RBFOX1: variants seen among roughly 807,000 people sequenced by gnomAD.
RBFOX1 encodes RNA binding fox-1 homolog 1.
RBFOX1 carries 8 observed loss-of-function variants against 57.7 expected under a neutral mutation model. That is an observed-to-expected ratio of 0.14 (90% confidence interval 0.08 to 0.25). The LOEUF is 0.25. RBFOX1 is among the 10% of genes least tolerant of loss of function. RBFOX1 has a pLI of 1.00. For synonymous variants in RBFOX1, 326 were observed against 222.4 expected (o/e 1.47, Z -4.15); for missense variants, 611 against 548.5 (o/e 1.11, Z -1.14).
At chr16:7,166,789 C>G (rs994381970) in intron 4 of RBFOX1, among the ~76,000 whole-genome samples, 15 of 151,934 alleles carry the variant, frequency 9.9e-5, no homozygotes, top group African/African-American at 1.9e-4. Context: ...GGACAGACAG[C>G]CAAAGGAGTG....
chr16:6,413,153 C>T (rs554838475), intron 2 of RBFOX1, among the ~76,000 whole-genome samples: 77 of 152,148 alleles, frequency 5.1e-4, no homozygotes, highest in Non-Finnish European at 1.3e-4. Flanking sequence ...AACCCTGTCT[C>T]TACTAAAAAT....
chr16:6,030,892 G>A (rs183973036), intron 1 of RBFOX1, among the ~76,000 whole-genome samples: 2 of 152,260 alleles, frequency 1.3e-5, no homozygotes, highest in Admixed American at 1.3e-4. Context: ...CATGCTCTGG[G>A]CCAGGCACTG....
intron 3 of RBFOX1, among the ~76,000 whole-genome samples, chr16:5,630,841 G>C (rs1306271455): frequency 6.6e-6 from 1 of 152,168 alleles, no homozygotes; most frequent in Non-Finnish European, 1.5e-5. Context: ...ATTTCAGAGG[G>C]GAGCAACTTG....
intron 4 of RBFOX1, among the ~76,000 whole-genome samples, chr16:7,487,751 A>C (rs1166946711): frequency 6.6e-6 from 1 of 152,164 alleles, no homozygotes; most frequent in Non-Finnish European, 1.5e-5. Context: ...TGCAGCTTGT[A>C]AAAGTGCCTC....
chr16:7,298,647 C>G (rs2095957609), intron 4 of RBFOX1, among the ~76,000 whole-genome samples: 1 of 152,176 alleles, frequency 6.6e-6, no homozygotes, highest in African/African-American at 2.4e-5. Context: ...CCACTATCGA[C>G]TCAAAGCCAA....
intron 3 of RBFOX1, among the ~76,000 whole-genome samples, chr16:7,029,753 CTTG>C (rs1202985671): frequency 6.6e-6 from 1 of 152,156 alleles, no homozygotes; most frequent in Non-Finnish European, 1.5e-5. Context: ...TAATGGTTCA[CTTG>C]TTCAATGATT....
intron 1 of RBFOX1, among the ~76,000 whole-genome samples, chr16:6,075,047 G>C (rs1277039498): frequency 1.3e-5 from 2 of 152,226 alleles, no homozygotes; most frequent in African/African-American, 4.8e-5. Context: ...CCAGAACAGA[G>C]AGGGGGTTCT....
chr16:7,502,143 A>G (rs185991811), intron 4 of RBFOX1, among the ~76,000 whole-genome samples: 75 of 152,220 alleles, frequency 4.9e-4, no homozygotes, highest in Admixed American at 4.8e-3. Flanking sequence ...CTTATGCAAC[A>G]CACAATGAAA....
At chr16:7,174,715 G>C (rs1442696505) in intron 4 of RBFOX1, among the ~76,000 whole-genome samples, 1 of 152,204 alleles carries the variant, frequency 6.6e-6, no homozygotes, top group Non-Finnish European at 1.5e-5. Flanking sequence ...GAGAGGCGGA[G>C]ATTGCAGTGA....
intron 4 of RBFOX1, among the ~76,000 whole-genome samples, chr16:7,065,102 A>C (rs1472405811): frequency 6.6e-6 from 1 of 152,204 alleles, no homozygotes; most frequent in African/African-American, 2.4e-5. Context: ...TCTGGAGTTT[A>C]CAGCCTCCTG....
chr16:5,393,555 C>G (rs911713871), intron 1 of RBFOX1, among the ~76,000 whole-genome samples: 65 of 152,268 alleles, frequency 4.3e-4, no homozygotes, highest in African/African-American at 1.5e-3. Flanking sequence ...AGGATTTTGT[C>G]CTGCTCAATG....
intron 2 of RBFOX1, among the ~76,000 whole-genome samples, chr16:6,535,335 C>G (rs1031741435): frequency 9.2e-5 from 14 of 152,178 alleles, no homozygotes; most frequent in African/African-American, 3.1e-4. Context: ...TACTTTGAAG[C>G]TCCTCTGGGT....
chr16:6,259,770 A>C (rs2215918), intron 1 of RBFOX1, among the ~76,000 whole-genome samples: 147,500 of 152,106 alleles, frequency 0.97, 71,703 homozygotes, highest in East Asian at 1. Flanking sequence ...CCAGCCTGGC[A>C]AACATGCTGA....
At chr16:6,843,922 G>C (rs929300802) in intron 3 of RBFOX1, among the ~76,000 whole-genome samples, 1 of 152,104 alleles carries the variant, frequency 6.6e-6, no homozygotes, top group Non-Finnish European at 1.5e-5. Flanking sequence ...GAAATTACCA[G>C]AATTCTCCAC....
intron 3 of RBFOX1, among the ~76,000 whole-genome samples, chr16:5,608,719 A>C (rs1360211038): frequency 1.3e-5 from 2 of 152,216 alleles, no homozygotes; most frequent in African/African-American, 4.8e-5. Flanking sequence ...TAGGGCTAAC[A>C]GTTGTGAGAT....
At position 5,794,348 on chromosome 16, in the gene RBFOX1, C is replaced by T. The variant is rs530298973; in HGVS notation, c.319-72955C>T. 3.9e-5 allele frequency among the ~76,000 whole-genome samples: 6 copies of T among 152,046 alleles called. No homozygotes were observed. In the East Asian group the frequency reaches 7.7e-4, roughly 20 times the overall value. On this transcript the variant is annotated intron_variant, in intron 3 of 19. Transcript: ENST00000641259. The stretch of plus-strand genomic sequence containing the variant: ...TTTTCCTCATCCTTTACTAATTCCT[C>T]GTCCTCTTCCATCATTATTATCATC...
intron 2 of RBFOX1, among the ~76,000 whole-genome samples, chr16:5,524,908 CCCA>C (rs2044180036): frequency 6.6e-6 from 1 of 152,096 alleles, no homozygotes; most frequent in African/African-American, 2.4e-5. Context: ...ACTTCCCAGC[CCCA>C]CAAGTCCCCC....
In RBFOX1 at chr16:6,681,304, C is replaced by T. The variant is rs185216878; in HGVS notation, c.-16+26654C>T. 1.1e-4 allele frequency among the ~76,000 whole-genome samples: 17 copies of T among 151,848 alleles called. No individual in the cohort carries two copies. In the East Asian group the frequency reaches 3.1e-3, roughly 28 times the overall value. On this transcript the variant is annotated intron_variant, in intron 3 of 15. Coordinates refer to ENST00000550418, the MANE Select transcript of RBFOX1 (RefSeq NM_018723.4). ...CTGCACTCCAGTTTAGGTGACAGAG[C>T]AAGAGCCTGTCTGGAAAAAAAACAA...
chr16:6,056,116 C>T (rs551846028), intron 1 of RBFOX1, among the ~76,000 whole-genome samples: 6 of 152,028 alleles, frequency 3.9e-5, no homozygotes, highest in Non-Finnish European at 8.8e-5. Context: ...GTATAAACGG[C>T]GGGAAAATAT....
Sources: gnomAD v4.1 joint callset for allele counts (sites outside exome capture counted in the v4.1 genomes callset) on GRCh38, gnomAD v4.1.1 for gene constraint, MANE v1.5 for transcripts, NCBI Gene and HGNC (gene_info 2026-07-23, HGNC 2026-07-21) for gene names.